Variants in MRC1 observed in about 807,000 individuals in gnomAD.
The protein encoded by MRC1 is mannose receptor C-type 1.
A neutral mutation model predicts 102.9 loss-of-function variants in MRC1; 62 were observed. The ratio of observed to expected loss-of-function variants is 0.60; its 90% CI spans 0.49 to 0.74. The LOEUF is 0.74. MRC1 is among the 30% of genes least tolerant of loss of function. MRC1 has a pLI of 0.00. For synonymous variants in MRC1, 457 were observed against 298.4 expected (o/e 1.53, Z -5.48); for missense variants, 1,237 against 862.8 (o/e 1.43, Z -5.43).
At chr10:17,853,568 A>G (rs1297051330) in intron 8 of MRC1, among the ~76,000 whole-genome samples, 4,155 of 134,180 alleles carry the variant, frequency 0.031, 107 homozygotes, top group African/African-American at 0.081. Context: ...AGAGATATAT[A>G]TGTATGTGTG....
Position 17,900,898 on chromosome 10 carries a change from C to T in MRC1, c.3594C>T (p.Tyr1198=), listed in dbSNP as rs966927288. ...GTGTTTATCTGGATCTTGATGGCTA[C>T]TGGAAGACAGCACATTGCAATGAAA... ...SACVYLDLDG[Y]WKTAHCNESF... The change falls in exon 25 of 30, where the codon TAC becomes TAT. Residue 1198 remains tyrosine, a synonymous_variant. Coordinates refer to ENST00000569591, the MANE Select transcript of MRC1 (RefSeq NM_002438.4). 9 of 780,750 alleles carry T rather than the reference C, an allele frequency of 1.2e-5. No homozygotes were observed. The highest frequency in any genetic ancestry group is 2.4e-5 in the East Asian group (1 of 41,230). The allele number at this position is 780,750 out of a possible 1,614,324, so 48.4% of individuals were successfully genotyped here. A position where few individuals can be genotyped will look rare whatever the true frequency, so the allele number is the denominator to read the frequency against.
intron 22 of MRC1, among the ~76,000 whole-genome samples, chr10:17,886,351 CCTCCCT>C (rs1477783561): frequency 1.5e-4 from 22 of 147,448 alleles, no homozygotes; most frequent in Admixed American, 4.7e-4. Context: ...TCTTTCCCTC[CCTCCCT>C]CTCCCTCTCC....
intron 21 of MRC1, among the ~76,000 whole-genome samples, chr10:17,884,895 T>G (rs1476774995): frequency 6.6e-6 from 1 of 152,246 alleles, no homozygotes; most frequent in Non-Finnish European, 1.5e-5. Context: ...GATTATCTTA[T>G]TTACAGAATC....
In MRC1 at chr10:17,861,546, A is replaced by G. The variant is rs1833184407; in HGVS notation, c.1634+44A>G. ...TTCATTTTAAAATATGTCAAATAGA[A>G]AAAAGTTTCAGAAAAGCCCAAGTAT... On this transcript the variant is annotated intron_variant, in intron 10 of 29. Transcript: ENST00000569591. 4 of 834,852 alleles carry G rather than the reference A, an allele frequency of 4.8e-6. No homozygotes were observed. In the East Asian group the frequency reaches 9.7e-5, roughly 20 times the overall value. 51.7% of individuals were successfully genotyped at this position (834,852 alleles called of 1,614,324 possible). A position where few individuals can be genotyped will look rare whatever the true frequency, so the allele number is the denominator to read the frequency against.
intron 9 of MRC1, among the ~76,000 whole-genome samples, chr10:17,858,889 C>T (rs1447488681): frequency 2.0e-5 from 3 of 152,200 alleles, no homozygotes; most frequent in Non-Finnish European, 4.4e-5. Flanking sequence ...TAGTTTTATT[C>T]GCTGCTTCTG....
At chr10:17,853,267 T>A in intron 8 of MRC1, 143 bp downstream of exon 8, 1 of 691,024 alleles carries the variant, frequency 1.4e-6, no homozygotes. Flanking sequence ...AAATTCAGAT[T>A]TGATTTCTTG....
chr10:17,831,644 T>G (rs1454608371), intron 3 of MRC1, among the ~76,000 whole-genome samples: 2 of 151,616 alleles, frequency 1.3e-5, no homozygotes, highest in Non-Finnish European at 2.9e-5. Context: ...AATTGAGTAT[T>G]TCTCAGAACA....
intron 26 of MRC1, among the ~76,000 whole-genome samples, chr10:17,905,653 G>A (rs1833885292): frequency 1.3e-5 from 2 of 151,846 alleles, no homozygotes; most frequent in South Asian, 4.2e-4. Context: ...AACGGCTAAT[G>A]TTTGTGAAAT....
At chr10:17,846,183 C>T (rs966323737) in intron 6 of MRC1, among the ~76,000 whole-genome samples, 1 of 151,990 alleles carries the variant, frequency 6.6e-6, no homozygotes, top group African/African-American at 2.4e-5. Context: ...GCTGGGATTA[C>T]AGGCATGAGC....
At chr10:17,853,147 T>A (rs1162063543) in intron 8 of MRC1, 23 bp downstream of exon 8, 1 of 779,782 alleles carries the variant, frequency 1.3e-6, no homozygotes, top group Non-Finnish European at 2.4e-6. Flanking sequence ...GAATGACTGA[T>A]ATTTATAATG....
At chr10:17,819,612 G>C (rs1035175326) in intron 1 of MRC1, among the ~76,000 whole-genome samples, 21 of 152,062 alleles carry the variant, frequency 1.4e-4, no homozygotes, top group Admixed American at 3.9e-4. Flanking sequence ...GAGTATGCAG[G>C]AAACTCAGGA....
chr10:17,854,107 CG>C (rs1833041136), intron 8 of MRC1, among the ~76,000 whole-genome samples: 2 of 152,118 alleles, frequency 1.3e-5, no homozygotes, highest in African/African-American at 2.4e-5. Flanking sequence ...CGTGCCACCA[CG>C]CCTGGCTAAT....
At chr10:17,831,162 T>A (rs1269389924) in intron 3 of MRC1, among the ~76,000 whole-genome samples, 2 of 150,772 alleles carry the variant, frequency 1.3e-5, no homozygotes, top group Non-Finnish European at 2.9e-5. Context: ...TCCAAAGTGC[T>A]GGGATTGCAG....
intron 6 of MRC1, among the ~76,000 whole-genome samples, chr10:17,846,250 A>G (rs985181423): frequency 1.3e-5 from 2 of 152,284 alleles, no homozygotes; most frequent in Non-Finnish European, 2.9e-5. Flanking sequence ...AAGAAAAAAA[A>G]AAATCAATTG....
At chr10:17,828,030 C>G (rs981735143) in intron 3 of MRC1, among the ~76,000 whole-genome samples, 2 of 152,200 alleles carry the variant, frequency 1.3e-5, no homozygotes, top group Non-Finnish European at 2.9e-5. Flanking sequence ...GAGGACTAGA[C>G]TGTACCCCCA....
chr10:17,905,058 A>G (rs1364712978), intron 26 of MRC1, among the ~76,000 whole-genome samples: 1 of 152,218 alleles, frequency 6.6e-6, no homozygotes, highest in Non-Finnish European at 1.5e-5. Context: ...AAATAAAGAC[A>G]AGCTTTGCGA....
chr10:17,875,786 TGGGA>T (rs1833428532), intron 17 of MRC1, among the ~76,000 whole-genome samples: 4 of 152,210 alleles, frequency 2.6e-5, no homozygotes, highest in Admixed American at 2.6e-4. Context: ...TACCCAGTAG[TGGGA>T]TTGCTGGATC....
chr10:17,882,651 C>T (rs1271737352), intron 21 of MRC1, among the ~76,000 whole-genome samples: 1 of 152,030 alleles, frequency 6.6e-6, no homozygotes, highest in East Asian at 1.9e-4. Context: ...TTGTGAATGC[C>T]ACCATGTGCT....
chr10:17,833,602 G>T, intron 3 of MRC1, 73 bp from the exon 4 acceptor site: 3 of 778,968 alleles, frequency 3.9e-6, no homozygotes, highest in South Asian at 2.7e-5. Context: ...CTCCTAGGTG[G>T]TTTAAATAAT....
Sources: allele counts gnomAD v4.1 joint callset (sites outside exome capture counted in the v4.1 genomes callset), GRCh38; gene constraint gnomAD v4.1.1; transcripts MANE v1.5; gene names NCBI Gene and HGNC (gene_info 2026-07-23, HGNC 2026-07-21).